The following RRP9 variants were observed in gnomAD, a reference collection of about 807,000 sequenced individuals.
RRP9 encodes the protein U3 small nucleolar RNA-interacting protein 2.
RRP9 carries 35 observed loss-of-function variants against 65.5 expected under a neutral mutation model. That is an observed-to-expected ratio of 0.53 (90% CI 0.41 to 0.71). RRP9 has a LOEUF of 0.71. RRP9 is among the 30% of genes least tolerant of loss of function. RRP9 has a pLI of 0.00. For missense variants in RRP9, 533 were observed against 633.6 expected (o/e 0.84, Z 1.70); for synonymous variants, 254 against 245.0 (o/e 1.04, Z -0.34).
In RRP9 at chr3:51,933,540, C is replaced by G. The variant is rs773293076; in HGVS notation, c.1394G>C (p.Arg465Pro). ...ARNSVCIIPL[R>P]RVPVPPAAGS ...AGCAGCTGGGGGTACAGGGACCCTGCGGAGTGGGATGATGCAGACAGAATT... is the reference window on the plus strand; with the variant it reads ...AGCAGCTGGGGGTACAGGGACCCTGGGGAGTGGGATGATGCAGACAGAATT... The change falls in exon 15 of 15, where the codon CGC becomes CCC. Residue 465 changes from arginine (R) to proline (P), a missense_variant. Transcript: ENST00000232888. The G allele has an allele frequency of 1.6e-5, 26 of 1,614,052 alleles. No individual in the cohort carries two copies. Among genetic ancestry groups the G allele is most frequent in the Non-Finnish European group, 2.1e-5 (25 of 1,179,962 alleles).
chr3:51,939,377 G>A (rs1699491601), intron 2 of RRP9, among the ~76,000 whole-genome samples: 1 of 152,190 alleles, frequency 6.6e-6, no homozygotes, highest in Non-Finnish European at 1.5e-5. Context: ...TTAATCTATT[G>A]TTGAAGGATT....
In RRP9 at chr3:51,936,149, C is replaced by T. The variant is rs2106673182; in HGVS notation, c.735+108G>A. The T allele has an allele frequency of 3.9e-6, 4 of 1,034,542 alleles. No individual in the cohort carries two copies. The South Asian group carries it at 4.0e-5, about 10-fold the overall frequency. 64.1% of individuals were successfully genotyped at this position (1,034,542 alleles called of 1,614,324 possible). The stretch of plus-strand genomic sequence containing the variant: ...AGCACCACTCGCTACCCACTCGCTA[C>T]CCCAGGATGCAGGTTCCCTGAGGAC... On this transcript the variant is annotated intron_variant, in intron 8 of 14. Transcript: ENST00000232888.
chr3:51,933,636 A>T (rs1252288781), intron 14 of RRP9, 37 bp from the exon 15 acceptor site: 2 of 1,611,388 alleles, frequency 1.2e-6, no homozygotes, highest in East Asian at 2.2e-5. Flanking sequence ...GACTCGGCCC[A>T]GTCTCCACCC....
At chr3:51,940,524 T>C (rs539782069) in intron 2 of RRP9, among the ~76,000 whole-genome samples, 1 of 152,198 alleles carries the variant, frequency 6.6e-6, no homozygotes, top group South Asian at 2.1e-4. Context: ...TGTTTTTGTG[T>C]GTGGTTTTTT....
At chr3:51,933,906 G>T (rs1206611622) in intron 13 of RRP9, 125 bp from the exon 14 acceptor site, 2 of 859,764 alleles carry the variant, frequency 2.3e-6, no homozygotes, top group African/African-American at 1.7e-5. Context: ...CCTGCCACCT[G>T]GTGACACAGG....
In RRP9 at chr3:51,937,805, T is replaced by C; in HGVS notation, c.281-69A>G. ...CTCTTTCCCTTCCATCCTGTCCCCA[T>C]CCCACTGCCCCAGGGCTGGATAATG... On this transcript the variant is annotated intron_variant, in intron 3 of 14. Transcript: ENST00000232888. This position sits in a 1 kb window ranked among gnomAD's most constrained non-coding sequence, Gnocchi z 5.0. 6.4e-7 allele frequency: 1 copy of C among 1,565,564 alleles called. No homozygotes were observed. Among genetic ancestry groups the C allele is most frequent in the Non-Finnish European group, 8.8e-7 (1 of 1,140,408 alleles).
intron 1 of RRP9, 64 bp from the exon 2 acceptor site, chr3:51,941,555 C>A (rs1202858532): frequency 1.5e-5 from 22 of 1,436,966 alleles, no homozygotes; most frequent in Non-Finnish European, 2.1e-5. Context: ...GACCAAGGGC[C>A]CCCCCCCCTC....
intron 8 of RRP9, 27 bp from the exon 9 acceptor site, chr3:51,935,719 G>T: frequency 6.3e-7 from 1 of 1,582,120 alleles, no homozygotes. Context: ...AGAGGGCAAA[G>T]GGGACCTGGA....
intron 9 of RRP9, 31 bp from the exon 10 acceptor site, chr3:51,935,507 G>A (rs781058684): frequency 8.7e-6 from 14 of 1,613,930 alleles, no homozygotes; most frequent in African/African-American, 1.3e-5. Context: ...GGATAGTGGG[G>A]ATAGGGGTAC....
chr3:51,933,850 C>T (rs1699420228), intron 13 of RRP9, 69 bp from the exon 14 acceptor site: 1 of 1,468,946 alleles, frequency 6.8e-7, no homozygotes. Context: ...GCATCACAGT[C>T]AAGGGCTGGG....
Position 51,934,121 on chromosome 3 carries a change from CA to C in RRP9, c.1261-341del, listed in dbSNP as rs981697789. On this transcript the variant is annotated intron_variant, in intron 13 of 14. Transcript: ENST00000232888. This position sits in a 1 kb window ranked among gnomAD's most constrained non-coding sequence, Gnocchi z 4.1. ...CTGCATTCTCAGCACACATCACTGA[CA>C]GATCCTGCCACCCTCCCCCAGGTCA... Among the ~76,000 whole-genome samples, 1 of 152,178 alleles carries C rather than the reference CA, an allele frequency of 6.6e-6. No individual in the cohort carries two copies. Among genetic ancestry groups the C allele is most frequent in the African/African-American group, 2.4e-5 (1 of 41,432 alleles).
At position 51,933,467 on chromosome 3, in the gene RRP9, C is replaced by T; in HGVS notation, c.*39G>A. ...GGCTTTTAATACAAAGAGGGTGGGGCATAGCCTGGGAAGGACTTAAATAAG... is the reference window on the plus strand; with the variant it reads ...GGCTTTTAATACAAAGAGGGTGGGGTATAGCCTGGGAAGGACTTAAATAAG... On this transcript the variant is annotated 3_prime_UTR_variant, in exon 15 of 15. Transcript: ENST00000232888. 1 of 1,505,766 alleles carries T rather than the reference C, an allele frequency of 6.6e-7. No individual in the cohort carries two copies. The highest frequency in any genetic ancestry group is 9.2e-7 in the Non-Finnish European group (1 of 1,091,458). 93.3% of individuals were successfully genotyped at this position (1,505,766 alleles called of 1,614,324 possible).
rs773875520 is a variant in RRP9, at chr3:51,934,734, G to A, written c.1077C>T (p.Ala359=). The A allele has an allele frequency of 1.9e-6, 3 of 1,614,142 alleles. No individual in the cohort carries two copies. In the Admixed American group the frequency reaches 5.0e-5, roughly 27 times the overall value. The stretch of plus-strand genomic sequence containing the variant: ...GCAGCCCGTGAGCTTCACGCTGCAG[G>A]GCAAGTGGTCGCTTCTTGGAGAGAC... The part of the protein sequence containing the change: ...LWGLSKKRPL[A]LQREAHGLRG... Residue 359 remains alanine, a synonymous_variant, in exon 12 of 15, where the codon GCC becomes GCT. Transcript: ENST00000232888. This position sits in a 1 kb window ranked among gnomAD's most constrained non-coding sequence, Gnocchi z 4.1.
chr3:51,937,264 T>G lies in RRP9; in HGVS notation c.445A>C (p.Ile149Leu). 1.9e-6 allele frequency: 3 copies of G among 1,614,128 alleles called. No homozygotes were observed. In the East Asian group the frequency reaches 6.7e-5, roughly 36 times the overall value. ...TCGGGGGTGACGACCAAACATGTGA[T>G]AGAGAGCTGGTGCCCCCGTAAAACG... ...IRVLRGHQLS[I>L]TCLVVTPDDS... The change falls in exon 6 of 15, where the codon ATC (isoleucine) becomes CTC (leucine). Residue 149 changes from isoleucine (I) to leucine (L), a missense_variant. Ile to Leu is a conservative substitution (Grantham distance 5). Around this residue, in one of 3 missense-constraint regions of RRP9, gnomAD observed 449 missense variants for 550.6 expected, o/e 0.82. Coordinates refer to ENST00000232888, the MANE Select transcript of RRP9 (RefSeq NM_004704.5). The surrounding 1 kb of genome is among the most constrained non-coding windows in gnomAD (Gnocchi z 5.0).
Position 51,935,237 on chromosome 3 carries a change from G to T in RRP9, c.994C>A (p.Leu332Ile). The T allele has an allele frequency of 6.2e-7, 1 of 1,614,196 alleles. No homozygotes were observed. The highest frequency in any genetic ancestry group is 8.5e-7 in the Non-Finnish European group (1 of 1,180,042). Residue 332 changes from leucine (L) to isoleucine (I), a missense_variant, in exon 11 of 15, where the codon CTA (leucine) becomes ATA (isoleucine). Coordinates refer to ENST00000232888, the MANE Select transcript of RRP9 (RefSeq NM_004704.5). ...GHQGSIDCIH[L>I]INEEHMVSGA... ...GACACCATGTGCTCCTCATTGATTA[G>T]GTGGATGCAGTCGATGGAGCCCCTG...
chr3:51,937,844 C>T lies in RRP9; in HGVS notation c.281-108G>A, dbSNP rs1699477444. On this transcript the variant is annotated intron_variant, in intron 3 of 14. Coordinates refer to ENST00000232888, the MANE Select transcript of RRP9 (RefSeq NM_004704.5). This position sits in a 1 kb window ranked among gnomAD's most constrained non-coding sequence, Gnocchi z 5.0. ...GGCTGGATAATGCAGGAAGCTCCAG[C>T]TGCCTCAGCAGAGGGGAGGGCAAGC... 3 of 1,378,904 alleles carry T rather than the reference C, an allele frequency of 2.2e-6. No individual in the cohort carries two copies. The East Asian group carries it at 6.9e-5, about 32-fold the overall frequency. The allele number at this position is 1,378,904 out of a possible 1,614,324, so 85.4% of individuals were successfully genotyped here. A position where few individuals can be genotyped will look rare whatever the true frequency, so the allele number is the denominator to read the frequency against.
rs1438113448 is a variant in RRP9 at position 51,934,699 on chromosome 3, G to A, written c.1112C>T (p.Pro371Leu). Residue 371 changes from proline (P) to leucine (L), a missense_variant, in exon 12 of 15, where the codon CCA (proline) becomes CTA (leucine). By Grantham distance (98) the Pro-to-Leu change is moderately conservative. Coordinates refer to ENST00000232888, the MANE Select transcript of RRP9 (RefSeq NM_004704.5). The surrounding 1 kb of genome is among the most constrained non-coding windows in gnomAD (Gnocchi z 4.1). ...TATCCAGAAGGGCTGCTCCAGGCCTGGCTCTCCCCGCAGCCCGTGAGCTTC... is the reference window on the plus strand; with the variant it reads ...TATCCAGAAGGGCTGCTCCAGGCCTAGCTCTCCCCGCAGCCCGTGAGCTTC... ...QREAHGLRGE[P>L]GLEQPFWISS... The A allele has an allele frequency of 1.2e-6, 2 of 1,614,038 alleles. No homozygotes were observed. The highest frequency in any genetic ancestry group is 1.7e-5 in the Admixed American group (1 of 60,012).
intron 2 of RRP9, among the ~76,000 whole-genome samples, chr3:51,940,264 A>C (rs931238835): frequency 3.9e-5 from 6 of 152,108 alleles, no homozygotes; most frequent in Admixed American, 6.5e-5. Flanking sequence ...TCAAAAACAA[A>C]AAAAAAAAGT....
intron 3 of RRP9, 58 bp downstream of exon 3, chr3:51,938,037 G>T: frequency 7.3e-7 from 1 of 1,375,700 alleles, no homozygotes; most frequent in Non-Finnish European, 9.9e-7. Context: ...TGCAGCGGCG[G>T]GCAGCAGACC....
Sources: gnomAD v4.1 joint callset for allele counts (sites outside exome capture counted in the v4.1 genomes callset) on GRCh38, gnomAD v4.1.1 for gene constraint, gnomAD v4.1.1 regional missense constraint, Gnocchi (gnomAD v3.1) non-coding constraint, MANE v1.5 for transcripts, NCBI Gene and HGNC (gene_info 2026-07-23, HGNC 2026-07-21) for gene names.